The following NFIA variants were observed in gnomAD, a reference collection of about 807,000 sequenced individuals.
NFIA encodes nuclear factor 1 A-type.
NFIA carries 8 observed loss-of-function variants against 62.8 expected under a neutral mutation model. That is an observed-to-expected ratio of 0.13 (90% confidence interval 0.07 to 0.23). The LOEUF is 0.23. NFIA is among the 10% of genes least tolerant of loss of function. NFIA has a pLI of 1.00. For synonymous variants in NFIA, 235 were observed against 238.1 expected, an observed-to-expected ratio of 0.99 and a Z score of 0.12; for missense variants, 410 against 642.1, an observed-to-expected ratio of 0.64 and a Z score of 3.91.
At chr1:61,361,265 T>G (rs528845463) in intron 6 of NFIA, among the ~76,000 whole-genome samples, 3 of 152,244 alleles carry the variant, frequency 2.0e-5, no homozygotes, top group Non-Finnish European at 2.9e-5. Context: ...CAGCCCTAAA[T>G]GAGAAGGAAA....
At chr1:61,242,286 TA>T (rs1655394352) in intron 2 of NFIA, among the ~76,000 whole-genome samples, 1 of 152,164 alleles carries the variant, frequency 6.6e-6, no homozygotes, top group African/African-American at 2.4e-5. Flanking sequence ...TGGATGCTTT[TA>T]AAATTCTTGG....
At chr1:61,142,214 T>C (rs555849820) in intron 2 of NFIA, among the ~76,000 whole-genome samples, 2 of 152,150 alleles carry the variant, frequency 1.3e-5, no homozygotes, top group African/African-American at 4.8e-5. Flanking sequence ...CCTAAACAAC[T>C]AAAAAGACTG....
At chr1:61,101,094 TATTA>T (rs1646500384) in intron 2 of NFIA, among the ~76,000 whole-genome samples, 1 of 152,148 alleles carries the variant, frequency 6.6e-6, no homozygotes, top group Non-Finnish European at 1.5e-5. Flanking sequence ...AGGTGCTTTC[TATTA>T]TTTAATAGTT....
intron 6 of NFIA, among the ~76,000 whole-genome samples, chr1:61,375,985 T>C (rs1241993281): frequency 1.3e-5 from 2 of 152,198 alleles, no homozygotes; most frequent in Non-Finnish European, 2.9e-5. Flanking sequence ...ACATTCATGT[T>C]GCCAAATCCA....
At chr1:61,093,187 G>A (rs1646350518) in intron 2 of NFIA, among the ~76,000 whole-genome samples, 3 of 152,182 alleles carry the variant, frequency 2.0e-5, no homozygotes. Context: ...ACATGTATGT[G>A]TGTTTACATT....
intron 6 of NFIA, among the ~76,000 whole-genome samples, chr1:61,374,299 G>A (rs1255128737): frequency 6.6e-6 from 1 of 152,036 alleles, no homozygotes; most frequent in Non-Finnish European, 1.5e-5. Flanking sequence ...GCTATGTTGA[G>A]CTAAAATCAG....
intron 9 of NFIA, among the ~76,000 whole-genome samples, chr1:61,407,662 G>T (rs1665910986): frequency 6.6e-6 from 1 of 152,182 alleles, no homozygotes; most frequent in Admixed American, 6.5e-5. Context: ...AAGGATAGGA[G>T]CTGTGGCAGT....
chr1:61,270,868 C>T (rs1366205201), intron 2 of NFIA, among the ~76,000 whole-genome samples: 4 of 152,116 alleles, frequency 2.6e-5, no homozygotes, highest in African/African-American at 9.7e-5. Flanking sequence ...AACACAGCGC[C>T]TCTTATGGGG....
intron 2 of NFIA, among the ~76,000 whole-genome samples, chr1:61,162,836 T>C (rs1470036688): frequency 2.2e-4 from 33 of 150,838 alleles, no homozygotes; most frequent in Admixed American, 2.2e-3. Flanking sequence ...TTTTTTTGCA[T>C]GTCTAGTGTT....
chr1:61,170,794 T>C (rs950110707), intron 2 of NFIA, among the ~76,000 whole-genome samples: 2 of 152,246 alleles, frequency 1.3e-5, no homozygotes, highest in African/African-American at 4.8e-5. Flanking sequence ...TGGACACTTA[T>C]CACAAAGCTG....
intron 3 of NFIA, among the ~76,000 whole-genome samples, chr1:61,281,114 C>T (rs1977653): frequency 0.08 from 12,146 of 151,986 alleles, 549 homozygotes; most frequent in East Asian, 0.15. Context: ...GTGGCACATG[C>T]CTGTAATACC....
At chr1:61,230,405 C>A (rs910647494) in intron 2 of NFIA, among the ~76,000 whole-genome samples, 2 of 152,138 alleles carry the variant, frequency 1.3e-5, no homozygotes, top group African/African-American at 4.8e-5. Context: ...TCTGTCAAAT[C>A]ATAACCTAGA....
chr1:61,135,410 T>C (rs546887522), intron 2 of NFIA, among the ~76,000 whole-genome samples: 2 of 152,190 alleles, frequency 1.3e-5, no homozygotes, highest in Non-Finnish European at 1.5e-5. Context: ...TGTTGAACTT[T>C]CTTTTTTCTT....
intron 4 of NFIA, 53 bp from the exon 5 acceptor site, chr1:61,352,397 G>C: frequency 7.7e-7 from 1 of 1,305,738 alleles, no homozygotes; most frequent in Non-Finnish European, 1.1e-6. Flanking sequence ...TGCTGTCATT[G>C]ATTTTTTTAT....
chr1:61,378,545 A>T (rs976407130), intron 6 of NFIA, among the ~76,000 whole-genome samples: 14 of 143,868 alleles, frequency 9.7e-5, no homozygotes, highest in African/African-American at 3.6e-4. Context: ...ATATTTGAAT[A>T]TCATGTTTGT....
At chr1:61,205,462 A>G (rs924383143) in intron 2 of NFIA, among the ~76,000 whole-genome samples, 1 of 152,222 alleles carries the variant, frequency 6.6e-6, no homozygotes, top group South Asian at 2.1e-4. Context: ...AGAAACTTCT[A>G]GAATCGAGCA....
At chr1:61,423,667 A>C (rs149835467) in intron 9 of NFIA, among the ~76,000 whole-genome samples, 272 of 152,274 alleles carry the variant, frequency 1.8e-3, no homozygotes, top group Admixed American at 4.1e-3. Flanking sequence ...TTGATTCACT[A>C]TGGTAAATGT....
At chr1:61,158,785 T>C (rs887644017) in intron 2 of NFIA, among the ~76,000 whole-genome samples, 1 of 152,198 alleles carries the variant, frequency 6.6e-6, no homozygotes, top group Non-Finnish European at 1.5e-5. Flanking sequence ...TGTGAAGAAA[T>C]GCAGTTGTCA....
At chr1:61,402,327 C>G (rs1486177278) in intron 7 of NFIA, among the ~76,000 whole-genome samples, 1 of 152,122 alleles carries the variant, frequency 6.6e-6, no homozygotes, top group Non-Finnish European at 1.5e-5. Context: ...CATGAGCCAC[C>G]GTACCAGGCC....
Sources: gnomAD v4.1 joint callset for allele counts (sites outside exome capture counted in the v4.1 genomes callset) on GRCh38, gnomAD v4.1.1 for gene constraint, MANE v1.5 for transcripts, NCBI Gene and HGNC (gene_info 2026-07-23, HGNC 2026-07-21) for gene names.